Variants in PRKCA observed in about 807,000 individuals in gnomAD.
PRKCA encodes the protein protein kinase C alpha type.
A neutral mutation model predicts 87.0 loss-of-function variants in PRKCA; 27 were observed. That is an observed-to-expected ratio of 0.31 (90% CI 0.23 to 0.43). PRKCA has a LOEUF of 0.43. PRKCA is among the 20% of genes least tolerant of loss of function. PRKCA has a pLI of 1.00. For synonymous variants in PRKCA, 329 were observed against 311.1 expected, an observed-to-expected ratio of 1.06 and a Z score of -0.61; for missense variants, 518 against 852.3, an observed-to-expected ratio of 0.61 and a Z score of 4.88.
chr17:66,394,078 AAAAG>A (rs1910525386), intron 2 of PRKCA, among the ~76,000 whole-genome samples: 1 of 152,210 alleles, frequency 6.6e-6, no homozygotes, highest in African/African-American at 2.4e-5. Context: ...GTCTCAAAAA[AAAAG>A]AAAGAGTGAC....
chr17:66,533,989 C>T (rs191577294), intron 3 of PRKCA, among the ~76,000 whole-genome samples: 311 of 151,606 alleles, frequency 2.1e-3, no homozygotes, highest in African/African-American at 7.2e-3. Context: ...GGAAGTGGAG[C>T]TTCCAACTGT....
intron 3 of PRKCA, among the ~76,000 whole-genome samples, chr17:66,544,935 G>A (rs191892674): frequency 6.6e-6 from 1 of 152,238 alleles, no homozygotes; most frequent in African/African-American, 2.4e-5. Flanking sequence ...GATTTCCTTA[G>A]GTGGTTAATA....
At chr17:66,544,995 T>C (rs763245466) in intron 3 of PRKCA, among the ~76,000 whole-genome samples, 23 of 152,250 alleles carry the variant, frequency 1.5e-4, no homozygotes, top group Non-Finnish European at 3.1e-4. Flanking sequence ...ATAAGTAACT[T>C]ACCGAAAGTT....
At chr17:66,376,823 G>T (rs1909446577) in intron 2 of PRKCA, among the ~76,000 whole-genome samples, 1 of 152,032 alleles carries the variant, frequency 6.6e-6, no homozygotes, top group East Asian at 1.9e-4. Flanking sequence ...TCAGGTTGTG[G>T]CTTCTGCATA....
At chr17:66,696,096 G>A (rs534397690) in intron 8 of PRKCA, among the ~76,000 whole-genome samples, 3 of 152,308 alleles carry the variant, frequency 2.0e-5, no homozygotes, top group African/African-American at 7.2e-5. Flanking sequence ...AAAGCAGGGG[G>A]AATCATGGCA....
chr17:66,335,508 G>A (rs1338499994), intron 2 of PRKCA, among the ~76,000 whole-genome samples: 1 of 151,516 alleles, frequency 6.6e-6, no homozygotes, highest in Non-Finnish European at 1.5e-5. Context: ...GATGATTGCA[G>A]AATGGTGTGA....
At chr17:66,552,203 C>T (rs564474299) in intron 3 of PRKCA, among the ~76,000 whole-genome samples, 2 of 152,136 alleles carry the variant, frequency 1.3e-5, no homozygotes, top group South Asian at 2.1e-4. Flanking sequence ...GAGGTTGAGG[C>T]AGGAGAATCA....
chr17:66,392,713 A>C (rs1037756064), intron 2 of PRKCA, among the ~76,000 whole-genome samples: 8 of 152,232 alleles, frequency 5.3e-5, no homozygotes, highest in African/African-American at 1.9e-4. Flanking sequence ...GAGCAACACC[A>C]AAATTCAATT....
intron 2 of PRKCA, among the ~76,000 whole-genome samples, chr17:66,407,597 A>C (rs1264220278): frequency 6.6e-6 from 1 of 152,124 alleles, no homozygotes; most frequent in Non-Finnish European, 1.5e-5. Context: ...TGCATTATTT[A>C]TTTGGACCTA....
intron 2 of PRKCA, among the ~76,000 whole-genome samples, chr17:66,392,380 G>A (rs4791061): frequency 2.6e-5 from 4 of 152,122 alleles, no homozygotes; most frequent in Middle Eastern, 3.2e-3. Flanking sequence ...CATAGATACC[G>A]GTTTACAGTG....
intron 2 of PRKCA, among the ~76,000 whole-genome samples, chr17:66,356,195 A>C (rs1908037475): frequency 6.6e-6 from 1 of 152,088 alleles, no homozygotes; most frequent in Non-Finnish European, 1.5e-5. Context: ...CACCACGCCC[A>C]TCGGTGATTT....
chr17:66,555,616 T>C (rs1028956773), intron 3 of PRKCA, among the ~76,000 whole-genome samples: 1 of 152,168 alleles, frequency 6.6e-6, no homozygotes, highest in Non-Finnish European at 1.5e-5. Flanking sequence ...TCTAGACAAC[T>C]TGTAGCCTAG....
intron 3 of PRKCA, among the ~76,000 whole-genome samples, chr17:66,637,589 T>G (rs1598834389): frequency 6.6e-6 from 1 of 152,172 alleles, no homozygotes; most frequent in South Asian, 2.1e-4. Flanking sequence ...TCTCACACCC[T>G]GAGAGAAACA....
At chr17:66,531,356 A>G (rs955704365) in intron 3 of PRKCA, among the ~76,000 whole-genome samples, 3 of 152,164 alleles carry the variant, frequency 2.0e-5, no homozygotes, top group Non-Finnish European at 4.4e-5. Flanking sequence ...GAGCTTTCAA[A>G]TGAAGCATGG....
chr17:66,396,824 C>T (rs1292315631), intron 2 of PRKCA, among the ~76,000 whole-genome samples: 1 of 151,580 alleles, frequency 6.6e-6, no homozygotes, highest in Non-Finnish European at 1.5e-5. Flanking sequence ...AATTCACCCT[C>T]TATTGTTGTT....
intron 2 of PRKCA, among the ~76,000 whole-genome samples, chr17:66,332,594 G>A (rs1034808143): frequency 5.3e-5 from 8 of 152,058 alleles, no homozygotes; most frequent in African/African-American, 1.9e-4. Flanking sequence ...AGAGGGAGGG[G>A]CACGTTAGCA....
intron 2 of PRKCA, among the ~76,000 whole-genome samples, chr17:66,324,560 C>T (rs1202890319): frequency 6.6e-6 from 1 of 151,984 alleles, no homozygotes; most frequent in East Asian, 1.9e-4. Flanking sequence ...TTGCAGTGAG[C>T]TGGGATTGTG....
rs571552271 is a variant in PRKCA, at chr17:66,662,299, A to C, written c.529+16788A>C. Reference sequence around the variant, plus strand: ...CTTGTAAGTCCTCATGGGATTTGGGATCCTCATCCTGTGCACAGACCTTGA... The same window carrying C: ...CTTGTAAGTCCTCATGGGATTTGGGCTCCTCATCCTGTGCACAGACCTTGA... On this transcript the variant is annotated intron_variant, in intron 5 of 16. Coordinates refer to ENST00000413366, the MANE Select transcript of PRKCA (RefSeq NM_002737.3). 1.7e-4 allele frequency among the ~76,000 whole-genome samples: 26 copies of C among 152,220 alleles called. No individual in the cohort carries two copies. In the East Asian group the frequency reaches 5.0e-3, roughly 29 times the overall value.
At position 66,804,723 on chromosome 17, in the gene PRKCA, T is replaced by C. The variant is rs1345200370; in HGVS notation, c.*686T>C. The C allele has an allele frequency of 1.3e-5, 2 of 152,818 alleles. No individual in the cohort carries two copies. Among genetic ancestry groups the C allele is most frequent in the Non-Finnish European group, 2.9e-5 (2 of 68,194 alleles). The allele number at this position is 152,818 out of a possible 1,614,324, so 9.5% of individuals were successfully genotyped here. On this transcript the variant is annotated 3_prime_UTR_variant, in exon 17 of 17. Coordinates refer to ENST00000413366, the MANE Select transcript of PRKCA (RefSeq NM_002737.3). ...TACCCTCCTTGGTTGATAACTGTCT[T>C]GATACTTTTCATTCTTTGTAAGAGG...
Sources: allele counts gnomAD v4.1 joint callset (sites outside exome capture counted in the v4.1 genomes callset), GRCh38; gene constraint gnomAD v4.1.1; transcripts MANE v1.5; gene names NCBI Gene and HGNC (gene_info 2026-07-23, HGNC 2026-07-21).